CDC73: variants seen among roughly 807,000 people sequenced by gnomAD.
The protein encoded by CDC73 is parafibromin.
In CDC73, 21 loss-of-function variants were observed where a neutral mutation model predicts 83.7. That is an observed-to-expected ratio of 0.25 (90% CI 0.18 to 0.36). The LOEUF is 0.36. Among genes scored for constraint, CDC73 ranks in the 10% least tolerant of loss-of-function variants. The probability of loss-of-function intolerance (pLI) is 1.00; values close to 1 mark genes in which losing one functional copy is unlikely to be tolerated. For missense variants in CDC73, 342 were observed against 653.3 expected, an observed-to-expected ratio of 0.52 and a Z score of 5.19; for synonymous variants, 224 against 212.9, an observed-to-expected ratio of 1.05 and a Z score of -0.45.
chr1:193,127,734 C>G (rs1675604006), intron 2 of CDC73: 2 of 151,254 alleles, frequency 1.3e-5, no homozygotes, highest in South Asian at 2.1e-4. Context: ...GAGTAGGATT[C>G]TAAAATTCCA....
intron 10 of CDC73, chr1:193,181,385 C>A: frequency 6.2e-7 from 1 of 1,614,032 alleles, no homozygotes. Flanking sequence ...GTGTATGTCA[C>A]AGGGTTTTCT....
At chr1:193,172,660 A>G (rs1197694729) in intron 10 of CDC73, among the ~76,000 whole-genome samples, 1 of 151,960 alleles carries the variant, frequency 6.6e-6, no homozygotes, top group Non-Finnish European at 1.5e-5. Flanking sequence ...TTCCATTCAG[A>G]CGTTTTGCTT....
chr1:193,244,975 A>G (rs1558324373), intron 15 of CDC73, among the ~76,000 whole-genome samples: 1 of 152,172 alleles, frequency 6.6e-6, no homozygotes, highest in Non-Finnish European at 1.5e-5. Context: ...TAGACAATGT[A>G]TGTTAGATAT....
chr1:193,165,584 G>A (rs1035008829), intron 10 of CDC73, among the ~76,000 whole-genome samples: 3 of 152,154 alleles, frequency 2.0e-5, no homozygotes, highest in Admixed American at 6.5e-5. Context: ...TTTCATAATT[G>A]GTGGATTGTG....
intron 13 of CDC73, among the ~76,000 whole-genome samples, chr1:193,229,429 A>C (rs142746452): frequency 1.3e-5 from 2 of 152,340 alleles, no homozygotes; most frequent in East Asian, 3.9e-4. Context: ...CACAAATAGG[A>C]TAAGCACCCT....
intron 2 of CDC73, among the ~76,000 whole-genome samples, chr1:193,125,873 A>G (rs1572143250): frequency 6.6e-6 from 1 of 152,252 alleles, no homozygotes; most frequent in East Asian, 1.9e-4. Context: ...AGGAGAGTCA[A>G]AATTAGGTGA....
intron 10 of CDC73, chr1:193,181,526 T>G: frequency 6.2e-7 from 1 of 1,607,530 alleles, no homozygotes; most frequent in Non-Finnish European, 8.5e-7. Context: ...CAGGTCATCT[T>G]TGCAAAGCAG....
intron 13 of CDC73, among the ~76,000 whole-genome samples, chr1:193,226,709 GA>G (rs1386774145): frequency 6.6e-6 from 1 of 152,128 alleles, no homozygotes; most frequent in African/African-American, 2.4e-5. Flanking sequence ...TATGTTGTTG[GA>G]TTTGGTTAGA....
chr1:193,129,581 A>G (rs1402395856), intron 2 of CDC73, among the ~76,000 whole-genome samples: 1 of 151,648 alleles, frequency 6.6e-6, no homozygotes, highest in Admixed American at 6.6e-5. Flanking sequence ...GTCTCGGCTC[A>G]CTGAAACGCC....
intron 10 of CDC73, chr1:193,181,449 A>G (rs2103159399): frequency 6.2e-7 from 1 of 1,614,096 alleles, no homozygotes; most frequent in Non-Finnish European, 8.5e-7. Context: ...ACAAAAACAT[A>G]GCAAAAAGAA....
chr1:193,125,257 T>C (rs1391223923), intron 2 of CDC73, 40 bp downstream of exon 2: 4 of 1,173,008 alleles, frequency 3.4e-6, no homozygotes. Context: ...TATTTATCAG[T>C]TTTATTTTTA....
intron 10 of CDC73, among the ~76,000 whole-genome samples, chr1:193,153,225 A>G (rs1470955263): frequency 6.6e-6 from 1 of 152,194 alleles, no homozygotes; most frequent in Non-Finnish European, 1.5e-5. Context: ...TTAACCTAAA[A>G]ATGGTTATTT....
At chr1:193,197,980 C>A (rs1267198529) in intron 10 of CDC73, among the ~76,000 whole-genome samples, 1 of 147,750 alleles carries the variant, frequency 6.8e-6, no homozygotes, top group African/African-American at 2.5e-5. Flanking sequence ...TTGTTTAATT[C>A]TCTTAATAAT....
chr1:193,218,225 A>G, intron 13 of CDC73, among the ~76,000 whole-genome samples: 1 of 152,188 alleles, frequency 6.6e-6, no homozygotes. Context: ...AAAGATCTCT[A>G]CAATGAGAAT....
chr1:193,240,282 A>G (rs1340177658), intron 15 of CDC73, among the ~76,000 whole-genome samples: 1 of 152,182 alleles, frequency 6.6e-6, no homozygotes, highest in Non-Finnish European at 1.5e-5. Flanking sequence ...ATTTAGGTTG[A>G]TTCCAGATCT....
Position 193,152,441 on chromosome 1 carries a change from A to T in CDC73, c.969A>T (p.Val323=). 1 of 1,603,148 alleles carries T rather than the reference A, an allele frequency of 6.2e-7. No homozygotes were observed. Among genetic ancestry groups the T allele is most frequent in the Non-Finnish European group, 8.5e-7 (1 of 1,170,344 alleles). The change falls in exon 10 of 17, where the codon GTA becomes GTT. Residue 323 remains valine (V), a synonymous_variant. Transcript: ENST00000367435. ...GTYHGMTLKS[V]TEGASARKTQ... The stretch of plus-strand genomic sequence containing the variant: ...ACCATGGTATGACACTGAAATCTGT[A>T]ACGGTAAGTTAATTTGGCTGTAGAT...
At chr1:193,194,131 A>G (rs1284096144) in intron 10 of CDC73, among the ~76,000 whole-genome samples, 1 of 152,206 alleles carries the variant, frequency 6.6e-6, no homozygotes, top group Non-Finnish European at 1.5e-5. Flanking sequence ...CTACCTTTGA[A>G]GAAACCCATT....
intron 2 of CDC73, among the ~76,000 whole-genome samples, chr1:193,128,391 T>C (rs1170661606): frequency 1.3e-5 from 2 of 152,052 alleles, no homozygotes; most frequent in African/African-American, 2.4e-5. Flanking sequence ...CCTCCCGGGC[T>C]CAAGTTGTCT....
intron 11 of CDC73, among the ~76,000 whole-genome samples, chr1:193,205,217 T>TTA (rs397962489): frequency 1.1e-4 from 15 of 135,462 alleles, no homozygotes; most frequent in African/African-American, 3.5e-4. Flanking sequence ...CCTTTTTTTT[T>TTA]AAACTCATCA....
Sources: gnomAD v4.1 joint callset for allele counts (sites outside exome capture counted in the v4.1 genomes callset) on GRCh38, gnomAD v4.1.1 for gene constraint, MANE v1.5 for transcripts, NCBI Gene and HGNC (gene_info 2026-07-23, HGNC 2026-07-21) for gene names.